The following PSMG2 variants were observed in gnomAD, a reference collection of about 807,000 sequenced individuals.
PSMG2 encodes the protein proteasome assembly chaperone 2, also known as CD40 ligand-activated specific transcript 3.
PSMG2 carries 21 observed loss-of-function variants against 31.5 expected under a neutral mutation model. That is an observed-to-expected ratio of 0.67 (90% CI 0.47 to 0.96). The LOEUF (loss-of-function observed/expected upper bound fraction) is 0.96. Ranked by LOEUF, PSMG2 falls within the 40% of genes least tolerant of loss-of-function variation. The probability of loss-of-function intolerance (pLI) is 0.00; values close to 1 mark genes in which losing one functional copy is unlikely to be tolerated. For synonymous variants in PSMG2, 120 were observed against 110.4 expected, an observed-to-expected ratio of 1.09 and a Z score of -0.54; for missense variants, 318 against 321.2, an observed-to-expected ratio of 0.99 and a Z score of 0.08.
chr18:12,714,555 G>T (rs76308473), intron 3 of PSMG2, among the ~76,000 whole-genome samples: 1 of 149,516 alleles, frequency 6.7e-6, no homozygotes, highest in Non-Finnish European at 1.5e-5. Context: ...ATGCAGTGGC[G>T]TGATCTTGGC....
chr18:12,705,576 A>AGTGTGTGTGT (rs548642491), intron 1 of PSMG2, among the ~76,000 whole-genome samples: 99 of 129,770 alleles, frequency 7.6e-4, no homozygotes, highest in Admixed American at 2.5e-3. Flanking sequence ...AGAGAGAGAG[A>AGTGTGTGTGT]GTGTGTGTGT....
chr18:12,665,273 G>A (rs1428427082), intron 1 of PSMG2: 1 of 152,142 alleles, frequency 6.6e-6, no homozygotes, highest in African/African-American at 2.4e-5. Context: ...GAAGGGTATA[G>A]GTAAAGGTAT....
intron 2 of PSMG2, among the ~76,000 whole-genome samples, chr18:12,712,185 G>A (rs2040338699): frequency 6.6e-6 from 1 of 152,158 alleles, no homozygotes; most frequent in Non-Finnish European, 1.5e-5. Flanking sequence ...TGACTCACAT[G>A]ACATTTTATG....
chr18:12,724,936 A>AT lies in PSMG2; in HGVS notation c.702+324dup, dbSNP rs1425181287. Reference sequence around the variant, plus strand: ...AACAAGCCTTCTGTGGAATTCAGGAATTTTTTTAGGGAAGTAAAAAGTATT... The same window carrying AT: ...AACAAGCCTTCTGTGGAATTCAGGAATTTTTTTTAGGGAAGTAAAAAGTATT... On this transcript the variant is annotated intron_variant, in intron 6 of 6. Transcript: ENST00000317615. 5.2e-5 allele frequency: 19 copies of AT among 364,088 alleles called. No individual in the cohort carries two copies. The East Asian group carries it at 7.1e-4, about 14-fold the overall frequency. 22.6% of individuals were successfully genotyped at this position (364,088 alleles called of 1,614,324 possible).
In PSMG2 at chr18:12,697,250, T is replaced by G; in HGVS notation, c.-36-9300T>G. The G allele has an allele frequency of 6.2e-7, 1 of 1,613,550 alleles. No individual in the cohort carries two copies. The highest frequency in any genetic ancestry group is 8.5e-7 in the Non-Finnish European group (1 of 1,179,728). ...ACACCCATAAGTTCCACAGTCAGAC[T>G]GGTCACTCCATTTTCTGAGCCCAAA... On this transcript the variant is annotated intron_variant, in intron 1 of 6. Coordinates refer to the PSMG2 transcript ENST00000585331.
At chr18:12,682,914 G>A (rs993007073) in intron 1 of PSMG2, among the ~76,000 whole-genome samples, 8 of 152,000 alleles carry the variant, frequency 5.3e-5, no homozygotes, top group Non-Finnish European at 8.8e-5. Flanking sequence ...GAGCCACTGC[G>A]CCTGGCTTAA....
intron 3 of PSMG2, among the ~76,000 whole-genome samples, chr18:12,716,342 T>G (rs887321017): frequency 2.0e-5 from 3 of 152,102 alleles, no homozygotes; most frequent in Non-Finnish European, 4.4e-5. Context: ...AGTTGAAAAA[T>G]TATTTAACGT....
intron 1 of PSMG2, among the ~76,000 whole-genome samples, chr18:12,688,134 G>A (rs1191838365): frequency 6.6e-6 from 1 of 150,948 alleles, no homozygotes; most frequent in East Asian, 2.0e-4. Flanking sequence ...AGGAGGCTGA[G>A]GCAGGAGAAT....
At chr18:12,671,501 C>A (rs2038941294) in intron 1 of PSMG2, among the ~76,000 whole-genome samples, 1 of 151,988 alleles carries the variant, frequency 6.6e-6, no homozygotes, top group Non-Finnish European at 1.5e-5. Context: ...AATGGGCAAT[C>A]AAACCCCTCA....
At chr18:12,702,409 T>A (rs2040190617), upstream of PSMG2, 5 of 1,134,236 alleles carry the variant, frequency 4.4e-6, no homozygotes, top group Admixed American at 5.5e-5. Flanking sequence ...GATGCCGCTG[T>A]CGGCCCGGGG....
chr18:12,702,431 G>A (rs1008928929), upstream of PSMG2: 9 of 1,376,138 alleles, frequency 6.5e-6, no homozygotes, highest in African/African-American at 5.9e-5. Flanking sequence ...CGCCGGGCAG[G>A]AGGGAAAGGT....
At chr18:12,664,490 C>T (rs964519534) in intron 1 of PSMG2, among the ~76,000 whole-genome samples, 5 of 151,802 alleles carry the variant, frequency 3.3e-5, no homozygotes, top group Admixed American at 3.3e-4. Context: ...GCAGAGATCG[C>T]AGTGAGCCAA....
intron 1 of PSMG2, among the ~76,000 whole-genome samples, chr18:12,696,017 C>T (rs1289034500): frequency 6.6e-6 from 1 of 152,172 alleles, no homozygotes; most frequent in East Asian, 1.9e-4. Flanking sequence ...AAATATACTT[C>T]ACATCAAAAC....
At chr18:12,720,261 G>A (rs556533417) in intron 4 of PSMG2, among the ~76,000 whole-genome samples, 6 of 152,160 alleles carry the variant, frequency 3.9e-5, no homozygotes, top group African/African-American at 1.4e-4. Context: ...GACATTACAG[G>A]CTTCATGGCA....
intron 1 of PSMG2, chr18:12,697,327 A>G (rs1262213404): frequency 2.7e-5 from 43 of 1,613,852 alleles, no homozygotes; most frequent in Non-Finnish European, 3.6e-5. Flanking sequence ...CTCACCAAAT[A>G]TGTCTGTTTT....
chr18:12,701,150 C>T, upstream of PSMG2: 1 of 1,534,204 alleles, frequency 6.5e-7, no homozygotes. Flanking sequence ...TATAACATCA[C>T]AAAGCAGTCA....
At chr18:12,692,480 GGGGC>G (rs2145076201) in intron 1 of PSMG2, among the ~76,000 whole-genome samples, 2 of 152,140 alleles carry the variant, frequency 1.3e-5, no homozygotes, top group African/African-American at 4.8e-5. Context: ...GTCCTCCATA[GGGGC>G]TTTTGTTCTA....
chr18:12,695,920 G>A (rs1482327095), intron 1 of PSMG2, among the ~76,000 whole-genome samples: 1 of 151,146 alleles, frequency 6.6e-6, no homozygotes, highest in South Asian at 2.1e-4. Flanking sequence ...GTCACTTATA[G>A]TAACTCCCAT....
intron 1 of PSMG2, among the ~76,000 whole-genome samples, chr18:12,664,340 G>A (rs1444994072): frequency 1.3e-5 from 2 of 151,836 alleles, no homozygotes; most frequent in African/African-American, 4.8e-5. Flanking sequence ...CCAGGAGATC[G>A]AGACCATCCT....
Sources: allele counts gnomAD v4.1 joint callset (sites outside exome capture counted in the v4.1 genomes callset), GRCh38; gene constraint gnomAD v4.1.1; transcripts MANE v1.5; gene names NCBI Gene and HGNC (gene_info 2026-07-23, HGNC 2026-07-21).